Variants in KIF26B observed in about 807,000 individuals in gnomAD.
KIF26B encodes the protein kinesin-like protein KIF26B.
In KIF26B, 63 loss-of-function variants were observed where a neutral mutation model predicts 151.2. The observed-to-expected ratio is 0.42, with a 90% CI of 0.34 to 0.51. The LOEUF is 0.51. KIF26B is among the 20% of genes least tolerant of loss of function. KIF26B has a pLI of 0.07. For synonymous variants in KIF26B, 1,357 were observed against 1,262.1 expected (o/e 1.08, Z -1.59); for missense variants, 2,813 against 2,913.6 (o/e 0.97, Z 0.79).
chr1:245,549,998 T>G (rs1310641486), intron 5 of KIF26B, among the ~76,000 whole-genome samples: 1 of 152,070 alleles, frequency 6.6e-6, no homozygotes, highest in East Asian at 1.9e-4. Flanking sequence ...AGGCTGGTCT[T>G]GAACTCCTGA....
chr1:245,533,298 C>T (rs1021772130), intron 4 of KIF26B, among the ~76,000 whole-genome samples: 6 of 152,142 alleles, frequency 3.9e-5, no homozygotes, highest in Admixed American at 6.5e-5. Context: ...CCACCCCTGT[C>T]CTGGGTCGGG....
intron 5 of KIF26B, among the ~76,000 whole-genome samples, chr1:245,569,616 A>C (rs1297251955): frequency 6.6e-6 from 1 of 151,900 alleles, no homozygotes. Context: ...CAAAGAAACA[A>C]ATAAACAAAC....
At chr1:245,548,742 C>A (rs1661808185) in intron 5 of KIF26B, among the ~76,000 whole-genome samples, 1 of 116,582 alleles carries the variant, frequency 8.6e-6, no homozygotes, top group South Asian at 2.7e-4. Context: ...TCCCATTTTG[C>A]AACTTTTTTT....
chr1:245,586,012 A>G (rs1041448845), intron 5 of KIF26B, among the ~76,000 whole-genome samples: 15 of 151,618 alleles, frequency 9.9e-5, no homozygotes, highest in Non-Finnish European at 2.1e-4. Flanking sequence ...TAATGTTTTT[A>G]GAGACAGGGT....
chr1:245,653,876 A>C (rs897581297), intron 10 of KIF26B, among the ~76,000 whole-genome samples: 5 of 147,208 alleles, frequency 3.4e-5, no homozygotes, highest in Non-Finnish European at 7.5e-5. Context: ...TCTGAACAAC[A>C]TAAGGAGACC....
At chr1:245,361,758 T>C (rs1277740341) in intron 2 of KIF26B, among the ~76,000 whole-genome samples, 2 of 152,220 alleles carry the variant, frequency 1.3e-5, no homozygotes, top group African/African-American at 4.8e-5. Flanking sequence ...ACCCTAATTC[T>C]AACACACTCT....
chr1:245,623,531 A>G lies in KIF26B; in HGVS notation c.2098+11555A>G, dbSNP rs1392320521. 9.2e-5 allele frequency among the ~76,000 whole-genome samples: 14 copies of G among 152,294 alleles called. No homozygotes were observed. In the South Asian group the frequency reaches 2.7e-3, roughly 29 times the overall value. On this transcript the variant is annotated intron_variant, in intron 9 of 14. Transcript: ENST00000407071. The stretch of plus-strand genomic sequence containing the variant: ...TTGTTTCCAGTTTGGGGATATTACA[A>G]ATAAAAGTACTAAAGGTTGAGCATC...
rs1375803044 is a variant in KIF26B at position 245,170,992 on chromosome 1, G to T, written c.465+14309G>T. On this transcript the variant is annotated intron_variant, in intron 2 of 14. Coordinates refer to ENST00000407071, the MANE Select transcript of KIF26B (RefSeq NM_018012.4). The surrounding 1 kb of genome is among the most constrained non-coding windows in gnomAD (Gnocchi z 4.4). ...TGTGATTACATCCCAATGGAGTTGG[G>T]CATGAGAATAAGAAAGAAATCTCCC... Among the ~76,000 whole-genome samples the T allele has an allele frequency of 3.3e-5, 5 of 152,194 alleles. No individual in the cohort carries two copies. Among genetic ancestry groups the T allele is most frequent in the Non-Finnish European group, 7.3e-5 (5 of 68,040 alleles).
At chr1:245,283,800 G>A (rs986841085) in intron 2 of KIF26B, among the ~76,000 whole-genome samples, 1 of 150,866 alleles carries the variant, frequency 6.6e-6, no homozygotes, top group Non-Finnish European at 1.5e-5. Context: ...CGATTCTCCT[G>A]CCTCAGCCTC....
chr1:245,327,087 T>C (rs1291790058), intron 2 of KIF26B, among the ~76,000 whole-genome samples: 1 of 152,208 alleles, frequency 6.6e-6, no homozygotes, highest in Non-Finnish European at 1.5e-5. Context: ...CCTTTTACAA[T>C]CTGGGGGACC....
chr1:245,708,826 T>C lies in KIF26B; in HGVS notation c.*6220T>C, dbSNP rs1181570940. 6.6e-6 allele frequency: 1 copy of C among 152,208 alleles called. No individual in the cohort carries two copies. Among genetic ancestry groups the C allele is most frequent in the African/African-American group, 2.4e-5 (1 of 41,454 alleles). 9.4% of individuals were successfully genotyped at this position (152,208 alleles called of 1,614,324 possible). A position where few individuals can be genotyped will look rare whatever the true frequency, so the allele number is the denominator to read the frequency against. On this transcript the variant is annotated 3_prime_UTR_variant, in exon 15 of 15. Transcript: ENST00000407071. Reference sequence around the variant, plus strand: ...AATTCCATGATTAGTAATGTATGTATGTGTATATAAATATGCTTATCTGTA... The same window carrying C: ...AATTCCATGATTAGTAATGTATGTACGTGTATATAAATATGCTTATCTGTA...
intron 9 of KIF26B, among the ~76,000 whole-genome samples, chr1:245,632,679 G>GCCTT (rs2043793643): frequency 1.3e-5 from 2 of 152,168 alleles, no homozygotes; most frequent in Non-Finnish European, 2.9e-5. Context: ...AGGCCAAGGC[G>GCCTT]GGCCAATCAC....
chr1:245,245,528 C>T (rs566741361), intron 2 of KIF26B, among the ~76,000 whole-genome samples: 28 of 152,274 alleles, frequency 1.8e-4, no homozygotes, highest in Non-Finnish European at 2.8e-4. Flanking sequence ...CAGTGGCTCA[C>T]GCCTCTAATC....
intron 5 of KIF26B, among the ~76,000 whole-genome samples, chr1:245,562,092 C>T (rs1160469254): frequency 1.3e-5 from 2 of 152,102 alleles, no homozygotes; most frequent in Non-Finnish European, 2.9e-5. Context: ...GATACTCGTC[C>T]TCCAGCCGTA....
rs1001042229 is a variant in KIF26B at position 245,374,707 on chromosome 1, C to T, written c.999+7340C>T. 4.6e-5 allele frequency among the ~76,000 whole-genome samples: 7 copies of T among 152,182 alleles called. No individual in the cohort carries two copies. In the East Asian group the frequency reaches 1.4e-3, roughly 29 times the overall value. ...GGTTTTGTTTTCTCCTGTTTATAGGCGGTCAAAGGGATATTAGGTTATGTA... is the reference window on the plus strand; with the variant it reads ...GGTTTTGTTTTCTCCTGTTTATAGGTGGTCAAAGGGATATTAGGTTATGTA... On this transcript the variant is annotated intron_variant, in intron 3 of 14. Transcript: ENST00000407071.
Position 245,685,838 on chromosome 1 carries a change from C to T in KIF26B, c.2855C>T (p.Ala952Val), listed in dbSNP as rs2044506231. Reference sequence around the variant, plus strand: ...AGCTTTCCTTTCGAAGAACTGCCTGCTCAGTTTGGGCCAGAGCAGGCAAGC... The same window carrying T: ...AGCTTTCCTTTCGAAGAACTGCCTGTTCAGTTTGGGCCAGAGCAGGCAAGC... The part of the protein sequence containing the change: ...PSSFPFEELP[A>V]QFGPEQASRG... Residue 952 changes from alanine (A) to valine (V), a missense_variant, in exon 12 of 15, where the codon GCT (alanine) becomes GTT (valine). By Grantham distance (64) the Ala-to-Val change is moderately conservative. This residue lies in a region of KIF26B where 2,060 missense variants were observed against 2,088.6 expected (regional missense o/e 0.99). Coordinates refer to ENST00000407071, the MANE Select transcript of KIF26B (RefSeq NM_018012.4). The T allele has an allele frequency of 6.2e-7, 1 of 1,612,218 alleles. No homozygotes were observed. Among genetic ancestry groups the T allele is most frequent in the South Asian group, 1.1e-5 (1 of 90,930 alleles).
intron 5 of KIF26B, among the ~76,000 whole-genome samples, chr1:245,600,976 A>C (rs2043390002): frequency 6.6e-6 from 1 of 152,204 alleles, no homozygotes; most frequent in Non-Finnish European, 1.5e-5. Flanking sequence ...GATGTGGGGC[A>C]AGTTATATAA....
chr1:245,435,383 C>T (rs898437042), intron 4 of KIF26B, among the ~76,000 whole-genome samples: 3 of 152,142 alleles, frequency 2.0e-5, no homozygotes, highest in Admixed American at 6.5e-5. Flanking sequence ...TTTGCTCTCC[C>T]GGTGTCTTCA....
intron 10 of KIF26B, among the ~76,000 whole-genome samples, chr1:245,671,684 A>G (rs955621227): frequency 6.6e-6 from 1 of 152,240 alleles, no homozygotes; most frequent in African/African-American, 2.4e-5. Context: ...CTAAGGACAC[A>G]AGTCCCTTGG....
Sources: allele counts gnomAD v4.1 joint callset (sites outside exome capture counted in the v4.1 genomes callset), GRCh38; gene constraint gnomAD v4.1.1; regional missense constraint gnomAD v4.1.1; non-coding constraint Gnocchi (gnomAD v3.1); transcripts MANE v1.5; gene names NCBI Gene and HGNC (gene_info 2026-07-23, HGNC 2026-07-21).